DOCK3: variants seen among roughly 807,000 people sequenced by gnomAD.
The protein encoded by DOCK3 is dedicator of cytokinesis 3, also known as dedicator of cytokinesis protein 3.
DOCK3 carries 60 observed loss-of-function variants against 265.6 expected under a neutral mutation model. That is an observed-to-expected ratio of 0.23 (90% CI 0.18 to 0.28). DOCK3 has a LOEUF of 0.28. DOCK3 is among the 10% of genes least tolerant of loss of function. The pLI is 1.00. For synonymous variants in DOCK3, 881 were observed against 938.0 expected, an observed-to-expected ratio of 0.94 and a Z score of 1.11; for missense variants, 1,981 against 2,594.3, an observed-to-expected ratio of 0.76 and a Z score of 5.14.
At chr3:51,138,525 A>G (rs920836223) in intron 9 of DOCK3, among the ~76,000 whole-genome samples, 2 of 152,218 alleles carry the variant, frequency 1.3e-5, no homozygotes, top group Non-Finnish European at 2.9e-5. Flanking sequence ...TCCTTTCATT[A>G]TTGAGGAGAA....
intron 1 of DOCK3, among the ~76,000 whole-genome samples, chr3:50,710,688 A>T (rs1423853509): frequency 2.0e-5 from 3 of 152,216 alleles, no homozygotes; most frequent in Non-Finnish European, 2.9e-5. Context: ...TGAAAAAGAT[A>T]CTTGCAGATC....
intron 5 of DOCK3, among the ~76,000 whole-genome samples, chr3:51,021,356 AG>A (rs2079582965): frequency 6.6e-6 from 1 of 152,222 alleles, no homozygotes; most frequent in South Asian, 2.1e-4. Context: ...TCTCCTACAA[AG>A]GGAAACCCCA....
intron 5 of DOCK3, among the ~76,000 whole-genome samples, chr3:50,979,922 G>C (rs2077628184): frequency 6.6e-6 from 1 of 152,120 alleles, no homozygotes; most frequent in Non-Finnish European, 1.5e-5. Flanking sequence ...TTGATTTTCT[G>C]TTTCCCGACT....
At chr3:50,881,842 A>G (rs2048045448) in intron 3 of DOCK3, among the ~76,000 whole-genome samples, 1 of 152,248 alleles carries the variant, frequency 6.6e-6, no homozygotes, top group South Asian at 2.1e-4. Flanking sequence ...AGCTGGAGGC[A>G]TCATGCTACC....
At chr3:51,257,415 C>T (rs2079608359) in intron 22 of DOCK3, among the ~76,000 whole-genome samples, 3 of 152,194 alleles carry the variant, frequency 2.0e-5, no homozygotes, top group African/African-American at 7.2e-5. Flanking sequence ...TCTCCTTTTA[C>T]CTTCAGAAGC....
chr3:51,261,166 C>T (rs924956389), intron 23 of DOCK3, among the ~76,000 whole-genome samples: 2 of 151,856 alleles, frequency 1.3e-5, no homozygotes, highest in South Asian at 2.1e-4. Flanking sequence ...CAGCTCCCAG[C>T]GAGATCAACA....
At chr3:51,341,771 G>A (rs2085257412) in intron 38 of DOCK3, among the ~76,000 whole-genome samples, 1 of 152,228 alleles carries the variant, frequency 6.6e-6, no homozygotes, top group East Asian at 1.9e-4. Flanking sequence ...GAAATGAATG[G>A]ATTTTAACCA....
rs200426909 is a variant in DOCK3 at position 51,316,081 on chromosome 3, T to TA, written c.3402+955dup. Among the ~76,000 whole-genome samples, 1,371 of 152,356 alleles carry TA rather than the reference T, an allele frequency of 9.0e-3. 24 individuals carry two copies. The highest frequency in any genetic ancestry group is 9.1e-3 in the Non-Finnish European group (622 of 68,030). Reference sequence around the variant, plus strand: ...GTGTTTTGGCAAATGCATAGTCGTGTAACCACTACCACAATCAAGAGTTTT... The same window carrying TA: ...GTGTTTTGGCAAATGCATAGTCGTGTAAACCACTACCACAATCAAGAGTTTT... On this transcript the variant is annotated intron_variant, in intron 32 of 52. Transcript: ENST00000266037.
chr3:51,065,870 C>A (rs575490435), intron 6 of DOCK3, among the ~76,000 whole-genome samples: 29 of 152,256 alleles, frequency 1.9e-4, no homozygotes, highest in African/African-American at 6.0e-4. Flanking sequence ...AGAAAAGCTT[C>A]TACAAGACAG....
chr3:51,374,541 G>A lies in DOCK3; in HGVS notation c.5366G>A (p.Arg1789His), dbSNP rs777938666. The A allele has an allele frequency of 7.4e-6, 12 of 1,613,644 alleles. No individual in the cohort carries two copies. Among genetic ancestry groups the A allele is most frequent in the East Asian group, 2.2e-5 (1 of 44,888 alleles). Residue 1789 changes from arginine to histidine, a missense_variant, in exon 50 of 53, where the codon CGC becomes CAC. Around this residue, in one of 4 missense-constraint regions of DOCK3, gnomAD observed 1,357 missense variants for 1,866.8 expected, o/e 0.73. Coordinates refer to ENST00000266037, the MANE Select transcript of DOCK3 (RefSeq NM_004947.5). This position sits in a 1 kb window ranked among gnomAD's most constrained non-coding sequence, Gnocchi z 4.8. ...MMLLLPTYRD[R>H]PSSAMYPAAI... ...TTGTTGCTGCCCACATACCGGGACC[G>A]CCCAAGCAGTGCCATGTATCCAGCA...
intron 4 of DOCK3, among the ~76,000 whole-genome samples, chr3:50,912,287 C>G (rs775011231): frequency 2.6e-5 from 4 of 152,048 alleles, no homozygotes; most frequent in Non-Finnish European, 4.4e-5. Context: ...TTACTTTCTC[C>G]CAAACAAGCA....
At chr3:50,728,121 A>C (rs2037949235) in intron 1 of DOCK3, among the ~76,000 whole-genome samples, 1 of 152,224 alleles carries the variant, frequency 6.6e-6, no homozygotes, top group Non-Finnish European at 1.5e-5. Flanking sequence ...ATTAAAATGA[A>C]ATAAAAACCG....
intron 45 of DOCK3, 21 bp from the exon 46 acceptor site, chr3:51,357,940 C>T: frequency 1.2e-6 from 2 of 1,613,820 alleles, no homozygotes; most frequent in Non-Finnish European, 1.7e-6. Context: ...CACAGAGTGG[C>T]CTTGTTTGTG....
chr3:51,096,075 A>G (rs1459133338), intron 9 of DOCK3, among the ~76,000 whole-genome samples: 1 of 151,990 alleles, frequency 6.6e-6, no homozygotes, highest in Non-Finnish European at 1.5e-5. Context: ...ACCTTGGTGA[A>G]TCTGACGATT....
rs912092126 is a variant in DOCK3 at position 51,310,428 on chromosome 3, G to A, written c.3017+102G>A. On this transcript the variant is annotated intron_variant, in intron 28 of 52. Transcript: ENST00000266037. Reference sequence around the variant, plus strand: ...GAGCACATGAGCAAGACAAATAAAGGCCAGGGCCATGGGAACAGAGAGGAG... The same window carrying A: ...GAGCACATGAGCAAGACAAATAAAGACCAGGGCCATGGGAACAGAGAGGAG... 12 of 1,080,442 alleles carry A rather than the reference G, an allele frequency of 1.1e-5. No homozygotes were observed. The African/African-American group carries it at 1.7e-4, about 16-fold the overall frequency. The allele number at this position is 1,080,442 out of a possible 1,614,324, so 66.9% of individuals were successfully genotyped here.
intron 22 of DOCK3, among the ~76,000 whole-genome samples, chr3:51,255,134 T>G (rs566508871): frequency 6.6e-6 from 1 of 152,336 alleles, no homozygotes; most frequent in South Asian, 2.1e-4. Context: ...GAAACTTAGT[T>G]TGGCTGGATA....
At chr3:50,678,206 G>A (rs1024650728) in intron 1 of DOCK3, among the ~76,000 whole-genome samples, 1 of 151,762 alleles carries the variant, frequency 6.6e-6, no homozygotes, top group African/African-American at 2.4e-5. Flanking sequence ...TACTGTACCC[G>A]TTCGCCCGTG....
At chr3:50,731,625 CA>C (rs375830881) in intron 1 of DOCK3, among the ~76,000 whole-genome samples, 101 of 152,176 alleles carry the variant, frequency 6.6e-4, no homozygotes, top group African/African-American at 2.4e-3. Context: ...AATATGCAGT[CA>C]TCTTAGTATA....
At chr3:51,212,631 C>A (rs1408923464) in intron 13 of DOCK3, among the ~76,000 whole-genome samples, 1 of 152,090 alleles carries the variant, frequency 6.6e-6, no homozygotes, top group Non-Finnish European at 1.5e-5. Context: ...GCAGATATAT[C>A]CCAAGCTGTT....
Sources: gnomAD v4.1 joint callset for allele counts (sites outside exome capture counted in the v4.1 genomes callset) on GRCh38, gnomAD v4.1.1 for gene constraint, gnomAD v4.1.1 regional missense constraint, Gnocchi (gnomAD v3.1) non-coding constraint, MANE v1.5 for transcripts, NCBI Gene and HGNC (gene_info 2026-07-23, HGNC 2026-07-21) for gene names.